The following SLC22A2 variants were observed in gnomAD, a reference collection of about 807,000 sequenced individuals.
SLC22A2 encodes organic cation transporter 2.
SLC22A2 carries 46 observed loss-of-function variants against 60.5 expected under a neutral mutation model. The observed-to-expected ratio is 0.76, with a 90% CI of 0.60 to 0.97. SLC22A2 has a LOEUF of 0.97. SLC22A2 is among the 50% of genes least tolerant of loss of function. The pLI, the probability that SLC22A2 is intolerant of heterozygous loss-of-function variation, is 0.00. For missense variants in SLC22A2, 701 were observed against 706.6 expected, an observed-to-expected ratio of 0.99 and a Z score of 0.09; for synonymous variants, 303 against 267.0, an observed-to-expected ratio of 1.13 and a Z score of -1.31.
chr6:160,222,091 T>C (rs1782653537), intron 10 of SLC22A2, among the ~76,000 whole-genome samples: 1 of 152,174 alleles, frequency 6.6e-6, no homozygotes, highest in African/African-American at 2.4e-5. Context: ...GGTAGAGCTC[T>C]TAGTAAATGT....
At position 160,240,220 on chromosome 6, in the gene SLC22A2, G is replaced by A. The variant is rs74595643; in HGVS notation, c.1501+1254C>T. Among the ~76,000 whole-genome samples, 686 of 152,256 alleles carry A rather than the reference G, an allele frequency of 4.5e-3. 6 individuals carry two copies. The highest frequency in any genetic ancestry group is 0.015 in the African/African-American group (633 of 41,550). ...AGGTAGGGAGAGGGGCAGGTAGGCC[G>A]TAGAGGAATGTTTCCATCCTTGTGA... On this transcript the variant is annotated intron_variant, in intron 9 of 10. Coordinates refer to ENST00000366953, the MANE Select transcript of SLC22A2 (RefSeq NM_003058.4).
In SLC22A2 at chr6:160,242,359, C is replaced by T. The variant is rs764618871; in HGVS notation, c.1323G>A (p.Met441Ile). 1.9e-6 allele frequency: 3 copies of T among 1,609,858 alleles called. No individual in the cohort carries two copies. In the African/African-American group the frequency reaches 4.0e-5, roughly 22 times the overall value. ...LKIIISCLGR[M>I]GITMAYEIVC... is the part of the protein sequence containing the mutation. ...CTATCTCATAGGCCATTGTGATCCC[C>T]ATTCTTCCCAAGCATGAGATAATAA... The change falls in exon 8 of 11, where the codon ATG becomes ATA. Residue 441 changes from methionine (M) to isoleucine (I), a missense_variant. Transcript: ENST00000366953.
At chr6:160,254,128 A>T (rs1199160156) in intron 2 of SLC22A2, among the ~76,000 whole-genome samples, 1 of 152,100 alleles carries the variant, frequency 6.6e-6, no homozygotes, top group Admixed American at 6.5e-5. Context: ...AAATACAAAA[A>T]TTAGCTGGGC....
chr6:160,226,224 T>C (rs953712063), intron 9 of SLC22A2, among the ~76,000 whole-genome samples: 3 of 152,210 alleles, frequency 2.0e-5, no homozygotes, highest in African/African-American at 7.2e-5. Flanking sequence ...TGACTCCCTA[T>C]GATTTCACCC....
rs57470281 is a variant in SLC22A2 at position 160,234,171 on chromosome 6, C to T, written c.1501+7303G>A. Reference sequence around the variant, plus strand: ...ACTACCCACTTTGACTGTAATTTTCCTTTACCTACCCACATCCTATAAAAC... The same window carrying T: ...ACTACCCACTTTGACTGTAATTTTCTTTTACCTACCCACATCCTATAAAAC... On this transcript the variant is annotated intron_variant, in intron 9 of 10. Coordinates refer to ENST00000366953, the MANE Select transcript of SLC22A2 (RefSeq NM_003058.4). 1.1e-4 allele frequency among the ~76,000 whole-genome samples: 16 copies of T among 152,258 alleles called. No homozygotes were observed. In the East Asian group the frequency reaches 3.1e-3, roughly 29 times the overall value.
At chr6:160,225,300 C>CT (rs1782705806) in intron 9 of SLC22A2, among the ~76,000 whole-genome samples, 1 of 152,240 alleles carries the variant, frequency 6.6e-6, no homozygotes, top group East Asian at 1.9e-4. Context: ...CCCGTTATTC[C>CT]TTTTTTTCTT....
intron 10 of SLC22A2, among the ~76,000 whole-genome samples, chr6:160,220,637 T>C (rs1025874642): frequency 7.9e-5 from 12 of 152,226 alleles, no homozygotes; most frequent in Non-Finnish European, 1.0e-4. Context: ...ATAATAATAC[T>C]TGAATGTCAA....
chr6:160,247,346 C>T (rs760230606), intron 4 of SLC22A2, 48 bp from the exon 5 acceptor site: 3 of 935,146 alleles, frequency 3.2e-6, no homozygotes, highest in Non-Finnish European at 3.5e-6. Context: ...ATCCTCCTTA[C>T]CCCATCCCCC....
Position 160,242,420 on chromosome 6 carries a change from A to T in SLC22A2, c.1280-18T>A. 1 of 1,318,834 alleles carries T rather than the reference A, an allele frequency of 7.6e-7. No individual in the cohort carries two copies. The highest frequency in any genetic ancestry group is 1.1e-6 in the Non-Finnish European group (1 of 910,268). The allele number at this position is 1,318,834 out of a possible 1,614,324, so 81.7% of individuals were successfully genotyped here. Reference sequence around the variant, plus strand: ...TTGTAGATCTAAGAGGGAAAAGAACAGTACTTATCCGTACACAGATGATTC... The same window carrying T: ...TTGTAGATCTAAGAGGGAAAAGAACTGTACTTATCCGTACACAGATGATTC... On this transcript the variant is annotated intron_variant, in intron 7 of 10. Coordinates refer to ENST00000366953, the MANE Select transcript of SLC22A2 (RefSeq NM_003058.4).
intron 4 of SLC22A2, 50 bp downstream of exon 4, chr6:160,249,166 G>A: frequency 7.6e-7 from 1 of 1,319,148 alleles, no homozygotes; most frequent in Non-Finnish European, 1.1e-6. Context: ...AGACTTCTTA[G>A]CAGAATAAAA....
intron 9 of SLC22A2, among the ~76,000 whole-genome samples, chr6:160,229,469 T>A (rs1782781739): frequency 6.6e-6 from 1 of 151,876 alleles, no homozygotes; most frequent in African/African-American, 2.4e-5. Flanking sequence ...CTTGCCTTGG[T>A]CATTCACCCA....
rs9456514 is a variant in SLC22A2 at position 160,254,323 on chromosome 6, G to C, written c.518+2291C>G. On this transcript the variant is annotated intron_variant, in intron 2 of 10. Coordinates refer to ENST00000366953, the MANE Select transcript of SLC22A2 (RefSeq NM_003058.4). Reference sequence around the variant, plus strand: ...AATATAGTACTTATAATTGCTGCTTGTTAAAATTAAAAAAACCCTGGGATT... The same window carrying C: ...AATATAGTACTTATAATTGCTGCTTCTTAAAATTAAAAAAACCCTGGGATT... 1.6e-3 allele frequency among the ~76,000 whole-genome samples: 250 copies of C among 151,968 alleles called. 2 individuals are homozygous for C. The highest frequency in any genetic ancestry group is 5.8e-3 in the African/African-American group (239 of 41,320).
At position 160,243,621 on chromosome 6, in the gene SLC22A2, T is replaced by C. The variant is rs747313613; in HGVS notation, c.1230A>G (p.Ser410=). 3 of 1,614,016 alleles carry C rather than the reference T, an allele frequency of 1.9e-6. No individual in the cohort carries two copies. Among genetic ancestry groups the C allele is most frequent in the Non-Finnish European group, 8.5e-7 (1 of 1,179,938 alleles). The change falls in exon 7 of 11, where the codon TCA becomes TCG. Residue 410 remains serine (S), a synonymous_variant. Transcript: ENST00000366953. ...RIGRRYPWAA[S]NMVAGAACLA... is the part of the protein sequence containing the mutation. ...GACAGGCTGCCCCTGCAACCATATT[T>C]GATGCAGCCCAAGGGTAACGGCGTC...
At chr6:160,229,881 G>T (rs557912079) in intron 9 of SLC22A2, among the ~76,000 whole-genome samples, 1 of 151,928 alleles carries the variant, frequency 6.6e-6, no homozygotes, top group South Asian at 2.1e-4. Flanking sequence ...CCAGAAAATG[G>T]CACTTTTGAT....
chr6:160,234,061 C>T (rs2086044150), intron 9 of SLC22A2, among the ~76,000 whole-genome samples: 2 of 152,090 alleles, frequency 1.3e-5, no homozygotes, highest in Admixed American at 1.3e-4. Context: ...ATGATATTAC[C>T]TTGTGAAATT....
intron 5 of SLC22A2, 94 bp downstream of exon 5, chr6:160,247,090 C>A: frequency 1.3e-6 from 1 of 745,552 alleles, no homozygotes. Context: ...TGGGTGCTTC[C>A]ATGGTTCCCT....
At position 160,258,339 on chromosome 6, in the gene SLC22A2, C is replaced by G. The variant is rs1783309707; in HGVS notation, c.414+5G>C. 1 of 1,601,934 alleles carries G rather than the reference C, an allele frequency of 6.2e-7. No homozygotes were observed. The highest frequency in any genetic ancestry group is 1.3e-5 in the African/African-American group (1 of 74,682). On this transcript the variant is annotated splice_donor_5th_base_variant and intron_variant, in intron 1 of 10. Transcript: ENST00000366953. ...TCCATCTGAGCCCTGAGCTCACTCT[C>G]TTACCTCGGTGACGATGGACGAGCC...
chr6:160,245,653 C>T (rs1444273452), intron 5 of SLC22A2, 108 bp from the exon 6 acceptor site: 2 of 550,434 alleles, frequency 3.6e-6, no homozygotes. Context: ...CATCTCATGC[C>T]CAGCACTAGA....
chr6:160,247,891 G>A (rs1783121180), intron 4 of SLC22A2, among the ~76,000 whole-genome samples: 2 of 152,168 alleles, frequency 1.3e-5, no homozygotes, highest in African/African-American at 4.8e-5. Context: ...TTCAGCGGGA[G>A]GAGAAACTGG....
Sources: allele counts gnomAD v4.1 joint callset (sites outside exome capture counted in the v4.1 genomes callset), GRCh38; gene constraint gnomAD v4.1.1; transcripts MANE v1.5; gene names NCBI Gene and HGNC (gene_info 2026-07-23, HGNC 2026-07-21).